The following LSM12 variants were observed in gnomAD, a reference collection of about 807,000 sequenced individuals.
The protein encoded by LSM12 is protein LSM12.
For missense variants in LSM12, 108 were observed against 238.9 expected (o/e 0.45, Z 3.61); for synonymous variants, 74 against 87.3 (o/e 0.85, Z 0.85).
At chr17:44,041,286 A>ACACACACACACAC (rs1555623711) in intron 2 of LSM12, among the ~76,000 whole-genome samples, 1 of 113,532 alleles carries the variant, frequency 8.8e-6, no homozygotes, top group Non-Finnish European at 1.7e-5. Context: ...AAAAAAAAAA[A>ACACACACACACAC]ACAAACACAC....
At chr17:44,060,383 C>T (rs544128185) in intron 2 of LSM12, among the ~76,000 whole-genome samples, 2 of 151,940 alleles carry the variant, frequency 1.3e-5, no homozygotes, top group Non-Finnish European at 2.9e-5. Context: ...AATAGCTGCC[C>T]GAAATAGCTG....
At chr17:44,056,469 T>G (rs1464840177) in intron 2 of LSM12, among the ~76,000 whole-genome samples, 1 of 151,888 alleles carries the variant, frequency 6.6e-6, no homozygotes, top group East Asian at 1.9e-4. Context: ...TTGTTTTTTT[T>G]TAATTAGCTG....
chr17:44,039,139 C>T (rs2049453881), intron 3 of LSM12, among the ~76,000 whole-genome samples: 1 of 152,092 alleles, frequency 6.6e-6, no homozygotes, highest in Admixed American at 6.6e-5. Flanking sequence ...ACCACAACCT[C>T]CACCTCCAGG....
At chr17:44,059,158 G>A (rs1419068481) in intron 2 of LSM12, among the ~76,000 whole-genome samples, 1 of 152,000 alleles carries the variant, frequency 6.6e-6, no homozygotes, top group African/African-American at 2.4e-5. Flanking sequence ...AACAGAATGA[G>A]ACTATATCTC....
intron 2 of LSM12, among the ~76,000 whole-genome samples, chr17:44,045,661 A>G (rs968214060): frequency 6.6e-6 from 1 of 151,972 alleles, no homozygotes; most frequent in Non-Finnish European, 1.5e-5. Flanking sequence ...ACCTCCACCC[A>G]CTGGGCTCAA....
At position 44,052,774 on chromosome 17, in the gene LSM12, T is replaced by C. The variant is rs561143443; in HGVS notation, c.258+11027A>G. Among the ~76,000 whole-genome samples, 5 of 149,982 alleles carry C rather than the reference T, an allele frequency of 3.3e-5. No individual in the cohort carries two copies. The South Asian group carries it at 8.3e-4, about 25-fold the overall frequency. On this transcript the variant is annotated intron_variant, in intron 2 of 4. Coordinates refer to ENST00000293406, the MANE Select transcript of LSM12 (RefSeq NM_001371445.1). ...AACTCTGTCTTAAAAAAAATATATA[T>C]TTATATAAATAAATAATCTATTTAT...
intron 1 of LSM12, 73 bp downstream of exon 1, chr17:44,066,391 C>T: frequency 1.3e-6 from 2 of 1,492,394 alleles, no homozygotes; most frequent in East Asian, 2.9e-5. Context: ...CCAGCCGCCG[C>T]CGTCGTCCCC....
chr17:44,050,401 C>T (rs1410250734), intron 2 of LSM12, among the ~76,000 whole-genome samples: 1 of 152,094 alleles, frequency 6.6e-6, no homozygotes, highest in Non-Finnish European at 1.5e-5. Context: ...TGCGCCACCG[C>T]ACCCAGACAA....
rs57974319 is a variant in LSM12 at position 44,051,389 on chromosome 17, CA to C, written c.259-11134del. Among the ~76,000 whole-genome samples, 756 of 114,790 alleles carry C rather than the reference CA, an allele frequency of 6.6e-3. 2 individuals are homozygous for C. The highest frequency in any genetic ancestry group is 8.5e-3 in the Non-Finnish European group (501 of 59,264). 75.3% of individuals were successfully genotyped at this position (114,790 alleles called of 152,430 possible). A position where few individuals can be genotyped will look rare whatever the true frequency, so the allele number is the denominator to read the frequency against. On this transcript the variant is annotated intron_variant, in intron 2 of 4. Transcript: ENST00000293406. ...CTGGCGACAGAGCGAGACTCCGTCTCAAAAAAAAAAAAAAAAAAAAAAAAAA... is the reference window on the plus strand; with the variant it reads ...CTGGCGACAGAGCGAGACTCCGTCTCAAAAAAAAAAAAAAAAAAAAAAAAA...
chr17:44,055,246 T>C (rs957056089), intron 2 of LSM12, among the ~76,000 whole-genome samples: 9 of 152,056 alleles, frequency 5.9e-5, no homozygotes, highest in Non-Finnish European at 1.3e-4. Context: ...GACAAGTGGT[T>C]CTTCCTTCCC....
In LSM12 at chr17:44,066,621, G is replaced by C; in HGVS notation, c.-34C>G. ...TGCAGCCGCGGCCGGCGGCGGCGGCGGCAGCAGCGGGCGAAAGCCGGGCCC... is the reference window on the plus strand; with the variant it reads ...TGCAGCCGCGGCCGGCGGCGGCGGCCGCAGCAGCGGGCGAAAGCCGGGCCC... On this transcript the variant is annotated 5_prime_UTR_variant, in exon 1 of 5. Coordinates refer to ENST00000293406, the MANE Select transcript of LSM12 (RefSeq NM_001371445.1). 1.5e-6 allele frequency: 2 copies of C among 1,310,654 alleles called. No homozygotes were observed. Among genetic ancestry groups the C allele is most frequent in the Non-Finnish European group, 1.9e-6 (2 of 1,026,284 alleles). The allele number at this position is 1,310,654 out of a possible 1,614,324, so 81.2% of individuals were successfully genotyped here.
Position 44,066,666 on chromosome 17 carries a change from G to T in LSM12, c.-79C>A. 7.9e-7 allele frequency: 1 copy of T among 1,263,234 alleles called. No individual in the cohort carries two copies. Among genetic ancestry groups the T allele is most frequent in the Non-Finnish European group, 1.0e-6 (1 of 1,000,120 alleles). 78.3% of individuals were successfully genotyped at this position (1,263,234 alleles called of 1,614,324 possible). A position where few individuals can be genotyped will look rare whatever the true frequency, so the allele number is the denominator to read the frequency against. On this transcript the variant is annotated 5_prime_UTR_variant, in exon 1 of 5. Coordinates refer to ENST00000293406, the MANE Select transcript of LSM12 (RefSeq NM_001371445.1). ...GGGCCCCCAGTGAGCGCCGCGACGC[G>T]ACGGCGCGCACGGAGCGTGCTTGCG...
At chr17:44,052,831 T>A (rs1295953543) in intron 2 of LSM12, among the ~76,000 whole-genome samples, 8 of 150,580 alleles carry the variant, frequency 5.3e-5, no homozygotes, top group Admixed American at 5.3e-4. Context: ...TTATATAAAT[T>A]TACATAATTA....
At chr17:44,066,409 C>T in intron 1 of LSM12, 55 bp downstream of exon 1, 2 of 1,503,412 alleles carry the variant, frequency 1.3e-6, no homozygotes, top group Non-Finnish European at 8.9e-7. Context: ...CCCCACCCCC[C>T]GACCACCGCA....
intron 2 of LSM12, among the ~76,000 whole-genome samples, chr17:44,048,532 T>C (rs918318611): frequency 6.8e-6 from 1 of 147,086 alleles, no homozygotes; most frequent in Non-Finnish European, 1.5e-5. Flanking sequence ...CTATCACCCA[T>C]ACTACACCCA....
intron 4 of LSM12, among the ~76,000 whole-genome samples, chr17:44,036,688 G>C (rs1162828726): frequency 7.1e-6 from 1 of 140,660 alleles, no homozygotes; most frequent in South Asian, 2.2e-4. Flanking sequence ...GTTCCTCAGA[G>C]GAAAAAAAAA....
intron 4 of LSM12, chr17:44,037,154 C>T (rs2049426998): frequency 1.5e-5 from 5 of 344,126 alleles, no homozygotes; most frequent in African/African-American, 2.1e-5. Context: ...AGGCCCAATA[C>T]CATGGAACAG....
Position 44,062,749 on chromosome 17 carries a change from G to A in LSM12, c.258+1052C>T, listed in dbSNP as rs111871192. 1.4e-4 allele frequency among the ~76,000 whole-genome samples: 21 copies of A among 152,036 alleles called. 1 individual carries two copies. Among genetic ancestry groups the A allele is most frequent in the African/African-American group, 4.8e-4 (20 of 41,476 alleles). ...TAATAATACAAAAATTGAGCCAGGA[G>A]CAGTGGCTCACACCTATAATCTTAC... On this transcript the variant is annotated intron_variant, in intron 2 of 4. Coordinates refer to ENST00000293406, the MANE Select transcript of LSM12 (RefSeq NM_001371445.1).
Position 44,036,075 on chromosome 17 carries a change from T to G in LSM12, c.*133A>C. The G allele has an allele frequency of 2.9e-6, 2 of 679,854 alleles. No homozygotes were observed. Among genetic ancestry groups the G allele is most frequent in the Non-Finnish European group, 2.4e-6 (1 of 413,558 alleles). 42.1% of individuals were successfully genotyped at this position (679,854 alleles called of 1,614,324 possible). On this transcript the variant is annotated 3_prime_UTR_variant, in exon 5 of 5. Coordinates refer to ENST00000293406, the MANE Select transcript of LSM12 (RefSeq NM_001371445.1). ...TGTTTTGTTTGTTCAAGTCTAAGAT[T>G]TGGAAATGCTGACCCTTTGTTAAGA... is the stretch of plus-strand genomic sequence containing the variant.
Sources: allele counts gnomAD v4.1 joint callset (sites outside exome capture counted in the v4.1 genomes callset), GRCh38; gene constraint gnomAD v4.1.1; transcripts MANE v1.5; gene names NCBI Gene and HGNC (gene_info 2026-07-23, HGNC 2026-07-21).